MYO10: variants seen among roughly 807,000 people sequenced by gnomAD.
MYO10 encodes the protein unconventional myosin-X.
In MYO10, 133 loss-of-function variants were observed where a neutral mutation model predicts 257.3. The observed-to-expected ratio is 0.52, with a 90% CI of 0.45 to 0.60. MYO10 has a LOEUF of 0.60. Among genes scored for constraint, MYO10 ranks in the 20% least tolerant of loss-of-function variants. MYO10 has a pLI of 0.00. For synonymous variants in MYO10, 1,104 were observed against 1,028.6 expected (o/e 1.07, Z -1.40); for missense variants, 2,399 against 2,635.7 (o/e 0.91, Z 1.97).
chr5:16,741,757 A>G, intron 19 of MYO10: 4 of 964,074 alleles, frequency 4.1e-6, no homozygotes, highest in Non-Finnish European at 4.9e-6. Context: ...CATCATGGCA[A>G]GTTACATGAA....
chr5:16,763,375 C>A, intron 14 of MYO10, 106 bp downstream of exon 14: 1 of 865,140 alleles, frequency 1.2e-6, no homozygotes, highest in South Asian at 1.5e-5. Flanking sequence ...TCTAAACATT[C>A]ACATCGTTGA....
intron 22 of MYO10, 143 bp downstream of exon 22, chr5:16,704,436 G>C: frequency 1.6e-6 from 1 of 633,788 alleles, no homozygotes. Flanking sequence ...AGGCTAGCTA[G>C]GTTTCGGGAG....
chr5:16,753,413 C>T (rs1269130646), intron 19 of MYO10, among the ~76,000 whole-genome samples: 3 of 151,408 alleles, frequency 2.0e-5, no homozygotes, highest in Admixed American at 6.6e-5. Flanking sequence ...GTGATCCACC[C>T]GCCTCGGCCT....
chr5:16,725,090 T>C (rs1739307566), intron 19 of MYO10, among the ~76,000 whole-genome samples: 1 of 135,896 alleles, frequency 7.4e-6, no homozygotes, highest in African/African-American at 2.8e-5. Context: ...TTTTTTTTTT[T>C]TTTTTTTTTT....
chr5:16,915,450 G>A (rs1433327612), intron 1 of MYO10, among the ~76,000 whole-genome samples: 1 of 152,170 alleles, frequency 6.6e-6, no homozygotes, highest in Non-Finnish European at 1.5e-5. Flanking sequence ...CCTCCAAGGT[G>A]CATCAGTCAA....
At chr5:16,912,804 A>G (rs962258038) in intron 1 of MYO10, among the ~76,000 whole-genome samples, 21 of 103,732 alleles carry the variant, frequency 2.0e-4, no homozygotes, top group African/African-American at 5.9e-4. Context: ...ACCACCCTGC[A>G]CACACACACA....
intron 2 of MYO10, 44 bp from the exon 3 acceptor site, chr5:16,818,211 A>C: frequency 7.2e-7 from 1 of 1,397,984 alleles, no homozygotes. Context: ...ATCAGCAGTA[A>C]GTGATTTTTC....
intron 21 of MYO10, among the ~76,000 whole-genome samples, chr5:16,708,108 T>C (rs1231951029): frequency 6.6e-6 from 1 of 152,248 alleles, no homozygotes; most frequent in African/African-American, 2.4e-5. Flanking sequence ...TGCTTTGATG[T>C]TTGCATTTAC....
chr5:16,730,580 C>G (rs745745344), intron 19 of MYO10, among the ~76,000 whole-genome samples: 7 of 152,182 alleles, frequency 4.6e-5, no homozygotes, highest in Non-Finnish European at 7.3e-5. Context: ...CAGAGGTCAA[C>G]AGGGGCAGCA....
Position 16,935,842 on chromosome 5 carries a change from G to A in MYO10, c.-34C>T, listed in dbSNP as rs769743350. ...CGCAGTCCCGGACTCGCCGAGTGCCGCTCCGACTCGCGGAAGTCAGCGCCG... is the reference window on the plus strand; with the variant it reads ...CGCAGTCCCGGACTCGCCGAGTGCCACTCCGACTCGCGGAAGTCAGCGCCG... On this transcript the variant is annotated 5_prime_UTR_variant, in exon 1 of 41. Coordinates refer to ENST00000513610, the MANE Select transcript of MYO10 (RefSeq NM_012334.3). 3 of 1,610,762 alleles carry A rather than the reference G, an allele frequency of 1.9e-6. No homozygotes were observed. The highest frequency in any genetic ancestry group is 2.5e-6 in the Non-Finnish European group (3 of 1,178,796).
At chr5:16,835,492 G>GTTT (rs1554001242) in intron 2 of MYO10, among the ~76,000 whole-genome samples, 26,359 of 79,996 alleles carry the variant, frequency 0.33, 3,475 homozygotes, top group East Asian at 0.4. Context: ...ATTTTTGGCT[G>GTTT]TTTTTTTTTT....
chr5:16,780,345 T>C (rs1741385762), intron 8 of MYO10, among the ~76,000 whole-genome samples, 179 bp downstream of exon 8: 1 of 152,184 alleles, frequency 6.6e-6, no homozygotes, highest in South Asian at 2.1e-4. Context: ...TACTGATAAT[T>C]TTCTCCCTAT....
chr5:16,793,931 C>CAA (rs34849998), intron 4 of MYO10, among the ~76,000 whole-genome samples: 3,739 of 131,748 alleles, frequency 0.028, 146 homozygotes, highest in East Asian at 0.2. Flanking sequence ...AACTCCAACT[C>CAA]AAAAAAAAAA....
At chr5:16,847,209 A>T (rs1743661014) in intron 2 of MYO10, among the ~76,000 whole-genome samples, 1 of 152,162 alleles carries the variant, frequency 6.6e-6, no homozygotes, top group Admixed American at 6.6e-5. Context: ...AGGCAGGTAG[A>T]TCACGAGGTT....
Position 16,763,762 on chromosome 5 carries a change from G to C in MYO10, c.1327-7C>G, listed in dbSNP as rs76271190. 674 of 1,513,972 alleles carry C rather than the reference G, an allele frequency of 4.5e-4. 4 individuals are homozygous for C. In the African/African-American group the frequency reaches 8.6e-3, roughly 19 times the overall value. 93.8% of individuals were successfully genotyped at this position (1,513,972 alleles called of 1,614,324 possible). On this transcript the variant is annotated splice_polypyrimidine_tract_variant and splice_region_variant and intron_variant, in intron 12 of 40. Coordinates refer to ENST00000513610, the MANE Select transcript of MYO10 (RefSeq NM_012334.3). ...ACTGTTCAAAGTGATTAACCTAAGG[G>C]GGGAAAGCATTCAATAAGTATCTTT...
At chr5:16,930,569 C>T (rs1664797991) in intron 1 of MYO10, among the ~76,000 whole-genome samples, 1 of 152,188 alleles carries the variant, frequency 6.6e-6, no homozygotes. Context: ...TTTCCCTGCA[C>T]CAGGAGTACT....
At chr5:16,734,040 C>T (rs998681837) in intron 19 of MYO10, among the ~76,000 whole-genome samples, 10 of 151,484 alleles carry the variant, frequency 6.6e-5, no homozygotes, top group Middle Eastern at 3.4e-3. Context: ...CCTGAGAATT[C>T]GTATGAAAGA....
At chr5:16,892,599 C>A (rs1052747690) in intron 1 of MYO10, among the ~76,000 whole-genome samples, 1 of 152,108 alleles carries the variant, frequency 6.6e-6, no homozygotes, top group Admixed American at 6.5e-5. Context: ...GCCAAGACTG[C>A]GCCACTGCAC....
At chr5:16,804,105 G>A (rs1742200469) in intron 3 of MYO10, among the ~76,000 whole-genome samples, 1 of 152,204 alleles carries the variant, frequency 6.6e-6, no homozygotes, top group Non-Finnish European at 1.5e-5. Context: ...TGGATCTACA[G>A]CGAATGCCTT....
Sources: gnomAD v4.1 joint callset for allele counts (sites outside exome capture counted in the v4.1 genomes callset) on GRCh38, gnomAD v4.1.1 for gene constraint, MANE v1.5 for transcripts, NCBI Gene and HGNC (gene_info 2026-07-23, HGNC 2026-07-21) for gene names.